Variants in GATAD2A observed in about 807,000 individuals in gnomAD.
GATAD2A encodes transcriptional repressor p66-alpha.
Under a neutral mutation model 68.5 loss-of-function variants are expected in GATAD2A, and 12 were observed. The observed-to-expected ratio is 0.18, with a 90% CI of 0.11 to 0.28. The LOEUF is 0.28. GATAD2A is among the 10% of genes least tolerant of loss of function. The probability of loss-of-function intolerance (pLI) is 1.00; values close to 1 mark genes in which losing one functional copy is unlikely to be tolerated. For synonymous variants in GATAD2A, 410 were observed against 375.3 expected, an observed-to-expected ratio of 1.09 and a Z score of -1.07; for missense variants, 755 against 868.5, an observed-to-expected ratio of 0.87 and a Z score of 1.64.
chr19:19,504,704 G>C (rs1430807596), intron 11 of GATAD2A, among the ~76,000 whole-genome samples: 1 of 147,104 alleles, frequency 6.8e-6, no homozygotes, highest in Non-Finnish European at 1.5e-5. Context: ...CTGGAATGCA[G>C]TAGCGCGATC....
In GATAD2A at chr19:19,507,269, T is replaced by C. The variant is rs989606927; in HGVS notation, c.*1795T>C. The C allele has an allele frequency of 6.7e-5, 8 of 119,574 alleles. No individual in the cohort carries two copies. Among genetic ancestry groups the C allele is most frequent in the African/African-American group, 2.2e-4 (7 of 31,454 alleles). The allele number at this position is 119,574 out of a possible 1,614,324, so 7.4% of individuals were successfully genotyped here. Reference sequence around the variant, plus strand: ...TTTACACCAAAAAAAAAAAAAAAAATCAAGAGTATGCAAGCATTTCTATTC... The same window carrying C: ...TTTACACCAAAAAAAAAAAAAAAAACCAAGAGTATGCAAGCATTTCTATTC... On this transcript the variant is annotated 3_prime_UTR_variant, in exon 12 of 12. Transcript: ENST00000683918.
intron 1 of GATAD2A, among the ~76,000 whole-genome samples, chr19:19,458,195 T>C (rs980279199): frequency 2.0e-5 from 3 of 152,212 alleles, no homozygotes; most frequent in Admixed American, 6.5e-5. Context: ...TGAGAAAGCC[T>C]GTAGTTCAGG....
At chr19:19,465,640 G>A in intron 2 of GATAD2A, 26 bp downstream of exon 2, 1 of 1,575,682 alleles carries the variant, frequency 6.3e-7, no homozygotes, top group Non-Finnish European at 8.6e-7. Context: ...CAGCGGGAGG[G>A]GCTGGAACCT....
chr19:19,438,267 A>T (rs2054596564), intron 1 of GATAD2A, among the ~76,000 whole-genome samples: 1 of 152,204 alleles, frequency 6.6e-6, no homozygotes, highest in Non-Finnish European at 1.5e-5. Flanking sequence ...CTTTTTGGAG[A>T]TAGGCTCTCG....
intron 1 of GATAD2A, among the ~76,000 whole-genome samples, chr19:19,444,995 C>T (rs1016461424): frequency 6.6e-6 from 1 of 151,978 alleles, no homozygotes; most frequent in African/African-American, 2.4e-5. Flanking sequence ...GTGATTCCAG[C>T]CCTCTGAGGC....
chr19:19,424,617 C>T (rs575530045), intron 1 of GATAD2A, among the ~76,000 whole-genome samples: 1 of 152,146 alleles, frequency 6.6e-6, no homozygotes, highest in East Asian at 2.0e-4. Context: ...AAGTGATCCT[C>T]CTGCCTCGGC....
At chr19:19,466,717 C>CT (rs2057894112) in intron 2 of GATAD2A, among the ~76,000 whole-genome samples, 1 of 152,218 alleles carries the variant, frequency 6.6e-6, no homozygotes. Context: ...AGGAAATATA[C>CT]TTTGTAGTCC....
intron 1 of GATAD2A, among the ~76,000 whole-genome samples, chr19:19,387,382 C>T (rs2048517713): frequency 1.3e-5 from 2 of 150,462 alleles, no homozygotes. Context: ...TGCAGTGGTG[C>T]GATCTGGGCT....
intron 1 of GATAD2A, among the ~76,000 whole-genome samples, chr19:19,444,082 C>CTT (rs1260605308): frequency 6.6e-6 from 1 of 152,134 alleles, no homozygotes; most frequent in East Asian, 1.9e-4. Flanking sequence ...GTGAATCAGG[C>CTT]TTTCTGGCTT....
At chr19:19,427,402 G>A (rs1874483530) in intron 1 of GATAD2A, 1 of 148,102 alleles carries the variant, frequency 6.8e-6, no homozygotes, top group African/African-American at 2.5e-5. Context: ...AAGGGACAAA[G>A]GCACACACAC....
chr19:19,492,815 G>GA, intron 4 of GATAD2A, 103 bp downstream of exon 4: 1 of 1,201,832 alleles, frequency 8.3e-7, no homozygotes, highest in Non-Finnish European at 1.2e-6. Flanking sequence ...GGGCTTCCTT[G>GA]AGGGAGTATA....
chr19:19,414,054 G>A (rs1432341088), intron 1 of GATAD2A, among the ~76,000 whole-genome samples: 5 of 152,044 alleles, frequency 3.3e-5, no homozygotes, highest in African/African-American at 1.2e-4. Flanking sequence ...TCCTGATGCC[G>A]AAGTCTGGGG....
intron 4 of GATAD2A, among the ~76,000 whole-genome samples, chr19:19,493,500 G>C (rs1045325093): frequency 2.6e-5 from 4 of 152,230 alleles, no homozygotes; most frequent in Non-Finnish European, 5.9e-5. Flanking sequence ...GGAGCCCGAA[G>C]CTCGCTGTTG....
intron 1 of GATAD2A, among the ~76,000 whole-genome samples, chr19:19,411,684 T>C (rs368993268): frequency 2.0e-5 from 3 of 151,354 alleles, no homozygotes; most frequent in South Asian, 2.1e-4. Flanking sequence ...CTTTCTCTTA[T>C]GTTGGCGGAG....
At chr19:19,419,496 A>G (rs1265606103) in intron 1 of GATAD2A, among the ~76,000 whole-genome samples, 2 of 146,712 alleles carry the variant, frequency 1.4e-5, no homozygotes, top group Non-Finnish European at 3.0e-5. Context: ...CTGGGTCTGT[A>G]ATGATCTCTA....
At chr19:19,386,437 C>A (rs1285049985) in intron 1 of GATAD2A, among the ~76,000 whole-genome samples, 1 of 150,816 alleles carries the variant, frequency 6.6e-6, no homozygotes, top group Non-Finnish European at 1.5e-5. Flanking sequence ...CTCTTGGGGA[C>A]CCCGTCTCTC....
rs554201605 is a variant in GATAD2A, at chr19:19,508,877, A to G, written c.*3403A>G. ...GCTGGAATGGGTGGCTATACGTTGT[A>G]TCACGAGGAAGTTTTAGACTCTGAA... On this transcript the variant is annotated 3_prime_UTR_variant, in exon 12 of 12. Coordinates refer to ENST00000683918, the MANE Select transcript of GATAD2A (RefSeq NM_001384528.1). 1 of 152,362 alleles carries G rather than the reference A, an allele frequency of 6.6e-6. No homozygotes were observed. Among genetic ancestry groups the G allele is most frequent in the African/African-American group, 2.4e-5 (1 of 41,574 alleles). 9.4% of individuals were successfully genotyped at this position (152,362 alleles called of 1,614,324 possible).
chr19:19,505,057 C>T (rs2060795080), intron 11 of GATAD2A, among the ~76,000 whole-genome samples: 1 of 152,238 alleles, frequency 6.6e-6, no homozygotes, highest in Admixed American at 6.5e-5. Flanking sequence ...ACCTTCATTT[C>T]TGTAGAACGT....
At position 19,465,338 on chromosome 19, in the gene GATAD2A, A is replaced by C; in HGVS notation, c.-6-2A>C. On this transcript the variant is annotated splice_acceptor_variant, in intron 1 of 11. Transcript: ENST00000683918. LOFTEE classifies it low-confidence loss of function (5UTR_SPLICE). ...ATGTTGTGTCTTCTCCTCCCTCCCA[A>C]GTTCAGAATGACCGAAGAAGCATGC... 1 of 1,612,942 alleles carries C rather than the reference A, an allele frequency of 6.2e-7. No homozygotes were observed. Among genetic ancestry groups the C allele is most frequent in the Non-Finnish European group, 8.5e-7 (1 of 1,178,910 alleles).
Sources: allele counts gnomAD v4.1 joint callset (sites outside exome capture counted in the v4.1 genomes callset), GRCh38; gene constraint gnomAD v4.1.1; transcripts MANE v1.5; gene names NCBI Gene and HGNC (gene_info 2026-07-23, HGNC 2026-07-21).